The following ANXA2 variants were observed in gnomAD, a reference collection of about 807,000 sequenced individuals.
ANXA2 encodes annexin A2.
ANXA2 carries 28 observed loss-of-function variants against 47.3 expected under a neutral mutation model. That is an observed-to-expected ratio of 0.59 (90% CI 0.44 to 0.81). The LOEUF (loss-of-function observed/expected upper bound fraction) is 0.81, where lower values mean the gene tolerates loss of function less well. Among genes scored for constraint, ANXA2 ranks in the 40% least tolerant of loss-of-function variants. ANXA2 has a pLI of 0.00. For synonymous variants in ANXA2, 172 were observed against 155.5 expected, an observed-to-expected ratio of 1.11 and a Z score of -0.79; for missense variants, 384 against 414.3, an observed-to-expected ratio of 0.93 and a Z score of 0.64.
At chr15:60,367,725 C>A (rs2062652003) in intron 3 of ANXA2, among the ~76,000 whole-genome samples, 1 of 109,648 alleles carries the variant, frequency 9.1e-6, no homozygotes, top group Non-Finnish European at 1.9e-5. Flanking sequence ...CCGCCCCATC[C>A]GGGAGGTGAG....
At chr15:60,376,831 T>C (rs10519043) in intron 3 of ANXA2, among the ~76,000 whole-genome samples, 14,512 of 152,296 alleles carry the variant, frequency 0.095, 972 homozygotes, top group Admixed American at 0.17. Flanking sequence ...ATCCGTGTAC[T>C]CGACAGCAGC....
rs2140750564 is a variant in ANXA2 at position 60,347,347 on chromosome 15, T to C, written c.*283A>G. On this transcript the variant is annotated 3_prime_UTR_variant, in exon 13 of 13. Coordinates refer to ENST00000451270, the MANE Select transcript of ANXA2 (RefSeq NM_004039.3). Reference sequence around the variant, plus strand: ...AAAGTACGTGTTTCTAAAGTACAAATTCAGTTTATTCATCTGTTTATGACA... The same window carrying C: ...AAAGTACGTGTTTCTAAAGTACAAACTCAGTTTATTCATCTGTTTATGACA... 1 of 461,192 alleles carries C rather than the reference T, an allele frequency of 2.2e-6. No individual in the cohort carries two copies. The highest frequency in any genetic ancestry group is 3.9e-6 in the Non-Finnish European group (1 of 256,094). The allele number at this position is 461,192 out of a possible 1,614,324, so 28.6% of individuals were successfully genotyped here.
intron 7 of ANXA2, among the ~76,000 whole-genome samples, chr15:60,354,522 C>T (rs892366460): frequency 2.1e-5 from 3 of 145,490 alleles, no homozygotes; most frequent in Non-Finnish European, 4.5e-5. Flanking sequence ...CCCAGCTACT[C>T]GGGAGGCTGA....
chr15:60,361,329 C>G (rs1347401630), intron 4 of ANXA2: 2 of 395,760 alleles, frequency 5.1e-6, no homozygotes, highest in Non-Finnish European at 9.4e-6. Context: ...TATGTGATTC[C>G]TAAGAAAGCT....
At chr15:60,377,269 A>C (rs2062793492) in intron 3 of ANXA2, among the ~76,000 whole-genome samples, 1 of 152,234 alleles carries the variant, frequency 6.6e-6, no homozygotes. Flanking sequence ...AAGGAGAAGG[A>C]GGAAGGAACA....
intron 3 of ANXA2, among the ~76,000 whole-genome samples, chr15:60,366,809 G>A (rs1490338973): frequency 7.3e-6 from 1 of 137,500 alleles, no homozygotes; most frequent in Non-Finnish European, 1.6e-5. Context: ...AGGCGGGGGG[G>A]GGGGGGGTCG....
At chr15:60,397,192 T>G (rs900312250) in intron 1 of ANXA2, 1 of 870,904 alleles carries the variant, frequency 1.1e-6, no homozygotes, top group Non-Finnish European at 1.4e-6. Flanking sequence ...TCTCAGTTCC[T>G]GACTCATTGT....
At chr15:60,364,363 A>T in intron 4 of ANXA2, 66 bp downstream of exon 4, 1 of 1,301,132 alleles carries the variant, frequency 7.7e-7, no homozygotes, top group Non-Finnish European at 1.1e-6. Context: ...CATGAAAAGA[A>T]AAAGCAATGT....
Position 60,397,462 on chromosome 15 carries a change from A to G in ANXA2, c.-12+481T>C, listed in dbSNP as rs182887480. 3.3e-3 allele frequency: 1,103 copies of G among 329,964 alleles called. 10 individuals carry two copies. Among genetic ancestry groups the G allele is most frequent in the African/African-American group, 0.023 (1,054 of 44,882 alleles). The allele number at this position is 329,964 out of a possible 1,614,324, so 20.4% of individuals were successfully genotyped here. ...CCCTCCTGCTGGTCGGTTCAACTCC[A>G]CAAGCGCGCGTTTGTTTCGAGTACA... On this transcript the variant is annotated intron_variant, in intron 1 of 12. Transcript: ENST00000451270.
chr15:60,351,107 T>A, intron 11 of ANXA2, 86 bp downstream of exon 11: 1 of 1,422,954 alleles, frequency 7.0e-7, no homozygotes, highest in Non-Finnish European at 9.9e-7. Flanking sequence ...CCTTCCTCCA[T>A]CCATGAATCA....
chr15:60,347,808 G>T, intron 12 of ANXA2, 119 bp from the exon 13 acceptor site: 1 of 878,906 alleles, frequency 1.1e-6, no homozygotes, highest in Non-Finnish European at 1.8e-6. Context: ...AGAAGACTCT[G>T]CAGGAGACCT....
rs1054198713 is a variant in ANXA2, at chr15:60,352,266, A to T, written c.682+117T>A. On this transcript the variant is annotated intron_variant, in intron 9 of 12. Coordinates refer to ENST00000451270, the MANE Select transcript of ANXA2 (RefSeq NM_004039.3). This position sits in a 1 kb window ranked among gnomAD's most constrained non-coding sequence, Gnocchi z 4.2. ...GTGAGGGAAAATGGGTGAGCCTATG[A>T]GAGTGCCAAGCGGAGACAGAACCTC... The T allele has an allele frequency of 1.5e-5, 10 of 656,934 alleles. No individual in the cohort carries two copies. The highest frequency in any genetic ancestry group is 7.3e-5 in the African/African-American group (4 of 54,862). 40.7% of individuals were successfully genotyped at this position (656,934 alleles called of 1,614,324 possible). A position where few individuals can be genotyped will look rare whatever the true frequency, so the allele number is the denominator to read the frequency against.
intron 1 of ANXA2, 34 bp downstream of exon 1, chr15:60,397,909 C>T: frequency 1.5e-6 from 2 of 1,341,660 alleles, no homozygotes; most frequent in Non-Finnish European, 9.6e-7. Context: ...TAGCTGGCGG[C>T]CCATCGCGGG....
chr15:60,349,027 G>A (rs759800488), intron 12 of ANXA2, 48 bp downstream of exon 12: 17 of 1,609,272 alleles, frequency 1.1e-5, no homozygotes, highest in East Asian at 2.2e-5. Flanking sequence ...GCCAGGGCCC[G>A]GGGTGCTCTG....
At chr15:60,353,231 A>C (rs912680981) in intron 8 of ANXA2, among the ~76,000 whole-genome samples, 40 of 152,346 alleles carry the variant, frequency 2.6e-4, no homozygotes, top group Admixed American at 5.9e-4. Flanking sequence ...TAAAGAATAT[A>C]GTTCATTGCA....
chr15:60,376,027 A>G (rs1384862739), intron 3 of ANXA2, among the ~76,000 whole-genome samples: 1 of 152,186 alleles, frequency 6.6e-6, no homozygotes, highest in Non-Finnish European at 1.5e-5. Flanking sequence ...GAACAGAGCC[A>G]GAGACGAGGC....
At chr15:60,395,105 G>A (rs2063064062) in intron 1 of ANXA2, among the ~76,000 whole-genome samples, 1 of 152,224 alleles carries the variant, frequency 6.6e-6, no homozygotes, top group African/African-American at 2.4e-5. Context: ...AAAATGTGAA[G>A]TTTAGGTCTG....
intron 4 of ANXA2, among the ~76,000 whole-genome samples, chr15:60,363,664 C>A (rs1208413725): frequency 1.3e-5 from 2 of 152,098 alleles, no homozygotes; most frequent in African/African-American, 4.8e-5. Flanking sequence ...AGTGGACAAG[C>A]AAAGGGAAAA....
In ANXA2 at chr15:60,352,377, G is replaced by T; in HGVS notation, c.682+6C>A. On this transcript the variant is annotated splice_donor_region_variant and intron_variant, in intron 9 of 12. Transcript: ENST00000451270. The surrounding 1 kb of genome is among the most constrained non-coding windows in gnomAD (Gnocchi z 4.2). ...GGCACTGAGACTCCCTCAGCACAGT[G>T]CCCACCTTTCTGGAGGTGGGGCACG... The T allele has an allele frequency of 6.2e-7, 1 of 1,610,412 alleles. No individual in the cohort carries two copies. The highest frequency in any genetic ancestry group is 8.5e-7 in the Non-Finnish European group (1 of 1,176,870).
Sources: allele counts gnomAD v4.1 joint callset (sites outside exome capture counted in the v4.1 genomes callset), GRCh38; gene constraint gnomAD v4.1.1; non-coding constraint Gnocchi (gnomAD v3.1); transcripts MANE v1.5; gene names NCBI Gene and HGNC (gene_info 2026-07-23, HGNC 2026-07-21).